NR2F1-AS1: variants seen among roughly 807,000 people sequenced by gnomAD.
NR2F1-AS1 encodes NR2F1 regulatory antisense RNA 1.
At chr5:93,583,614 G>A (rs1753168805), upstream of NR2F1-AS1, 2 of 151,714 alleles carry the variant, frequency 1.3e-5, no homozygotes, top group African/African-American at 2.4e-5. Flanking sequence ...TTTTTGGAGG[G>A]AGGGTGTTGG....
At chr5:93,477,331 G>T (rs1750506398) in intron 4 of NR2F1-AS1, among the ~76,000 whole-genome samples, 1 of 152,032 alleles carries the variant, frequency 6.6e-6, no homozygotes, top group Admixed American at 6.6e-5. Flanking sequence ...CAATGAAAAA[G>T]ATTAAAACTA....
At chr5:93,415,286 T>C (rs1748945608) in intron 4 of NR2F1-AS1, among the ~76,000 whole-genome samples, 1 of 151,830 alleles carries the variant, frequency 6.6e-6, no homozygotes, top group African/African-American at 2.4e-5. Flanking sequence ...CATGAGACTA[T>C]GTCTTTTTTG....
intron 1 of NR2F1-AS1, chr5:93,570,513 T>C (rs1308886266): frequency 6.6e-6 from 1 of 152,198 alleles, no homozygotes; most frequent in African/African-American, 2.4e-5. Context: ...CTGGGGACCA[T>C]TACTAAGAGG....
At chr5:93,575,317 C>A (rs995006446) in intron 1 of NR2F1-AS1, among the ~76,000 whole-genome samples, 1 of 152,154 alleles carries the variant, frequency 6.6e-6, no homozygotes, top group African/African-American at 2.4e-5. Flanking sequence ...AGATGTTTTT[C>A]TTTTTGAAGT....
chr5:93,474,860 C>T (rs906115402), intron 4 of NR2F1-AS1, among the ~76,000 whole-genome samples: 1 of 152,182 alleles, frequency 6.6e-6, no homozygotes, highest in African/African-American at 2.4e-5. Flanking sequence ...TGCGGTGGCT[C>T]ACGCCTGTAA....
chr5:93,572,501 G>T (rs1752794812), intron 1 of NR2F1-AS1, among the ~76,000 whole-genome samples: 1 of 152,152 alleles, frequency 6.6e-6, no homozygotes, highest in South Asian at 2.1e-4. Flanking sequence ...CTCTCGGCTG[G>T]CTCCCCGTCC....
chr5:93,496,464 A>G (rs1401782042), intron 4 of NR2F1-AS1, among the ~76,000 whole-genome samples: 1 of 152,182 alleles, frequency 6.6e-6, no homozygotes, highest in African/African-American at 2.4e-5. Flanking sequence ...GCTTCTATTC[A>G]GGGACTTCTG....
At chr5:93,549,499 C>G (rs1752174453) in intron 4 of NR2F1-AS1, among the ~76,000 whole-genome samples, 1 of 152,088 alleles carries the variant, frequency 6.6e-6, no homozygotes, top group African/African-American at 2.4e-5. Flanking sequence ...CACAAAGCTT[C>G]CATTAACTTT....
intron 1 of NR2F1-AS1, among the ~76,000 whole-genome samples, chr5:93,566,944 G>A (rs904277563): frequency 2.0e-5 from 3 of 151,988 alleles, no homozygotes; most frequent in Admixed American, 6.5e-5. Flanking sequence ...ATGCTTAGAA[G>A]AATAAAGTTT....
At position 93,466,445 on chromosome 5, in the gene NR2F1-AS1, T is replaced by C. The variant is rs554488687; in HGVS notation, n.639-70903A>G. On this transcript the variant is annotated intron_variant and non_coding_transcript_variant, in intron 4 of 5. Transcript: ENST00000660523. ...TCCACCTCCTGGGTTCAAGAGATTGTCCTGCCTCAGCCTTCCAAGTCGCTG... is the reference window on the plus strand; with the variant it reads ...TCCACCTCCTGGGTTCAAGAGATTGCCCTGCCTCAGCCTTCCAAGTCGCTG... Among the ~76,000 whole-genome samples the C allele has an allele frequency of 2.6e-5, 4 of 152,156 alleles. No homozygotes were observed. In the East Asian group the frequency reaches 7.7e-4, roughly 29 times the overall value.
At chr5:93,545,881 T>C (rs572784469) in intron 4 of NR2F1-AS1, among the ~76,000 whole-genome samples, 7 of 152,334 alleles carry the variant, frequency 4.6e-5, no homozygotes, top group Middle Eastern at 3.4e-3. Context: ...AAAGAGATCA[T>C]AGGAAATTTC....
At chr5:93,581,670 C>G (rs1013099764), upstream of NR2F1-AS1, among the ~76,000 whole-genome samples, 258 of 13,462 alleles carry the variant, frequency 0.019, 1 homozygote, top group Non-Finnish European at 0.01. Context: ...GGGTCTCGGT[C>G]TCTCTCTCTC....
chr5:93,523,160 G>T (rs180983766), intron 4 of NR2F1-AS1, among the ~76,000 whole-genome samples: 1 of 152,270 alleles, frequency 6.6e-6, no homozygotes, highest in Non-Finnish European at 1.5e-5. Flanking sequence ...GAGCTTGGTG[G>T]GGGGAGGGGT....
intron 4 of NR2F1-AS1, among the ~76,000 whole-genome samples, chr5:93,502,916 C>T (rs1385714086): frequency 6.6e-6 from 1 of 151,982 alleles, no homozygotes; most frequent in Non-Finnish European, 1.5e-5. Context: ...TCTAAGAAAA[C>T]AATACAAATT....
At chr5:93,485,408 C>T (rs1313878016) in intron 4 of NR2F1-AS1, among the ~76,000 whole-genome samples, 2 of 152,078 alleles carry the variant, frequency 1.3e-5, no homozygotes, top group African/African-American at 4.8e-5. Context: ...TTCTTTGAAA[C>T]CAATGAGAAC....
At chr5:93,454,060 G>A (rs1209058936) in intron 4 of NR2F1-AS1, among the ~76,000 whole-genome samples, 1 of 152,148 alleles carries the variant, frequency 6.6e-6, no homozygotes, top group African/African-American at 2.4e-5. Flanking sequence ...GATTGCTTGA[G>A]CCCAGGAGTT....
chr5:93,526,192 G>C lies in NR2F1-AS1; in HGVS notation n.638+27569C>G, dbSNP rs148287599. 9.8e-3 allele frequency among the ~76,000 whole-genome samples: 1,490 copies of C among 152,226 alleles called. 16 individuals carry two copies. Among genetic ancestry groups the C allele is most frequent in the Non-Finnish European group, 0.015 (1,042 of 68,000 alleles). On this transcript the variant is annotated intron_variant and non_coding_transcript_variant, in intron 4 of 5. Transcript: ENST00000660523. ...AGGCAATATCACCACTGATCCCACA[G>C]AAATACAGACTACCATCAGAATGCT...
intron 4 of NR2F1-AS1, among the ~76,000 whole-genome samples, chr5:93,517,985 A>G: frequency 6.6e-6 from 1 of 152,014 alleles, no homozygotes; most frequent in South Asian, 2.1e-4. Context: ...TCAAAGAGAC[A>G]AGGTCTTGAT....
At chr5:93,581,354 C>T (rs1039344735), upstream of NR2F1-AS1, 1 of 152,144 alleles carries the variant, frequency 6.6e-6, no homozygotes, top group African/African-American at 2.4e-5. Flanking sequence ...GATCTCAAAA[C>T]GAGGGGGGTG....
Sources: allele counts gnomAD v4.1 joint callset (sites outside exome capture counted in the v4.1 genomes callset), GRCh38; gene constraint gnomAD v4.1.1; transcripts MANE v1.5; gene names NCBI Gene and HGNC (gene_info 2026-07-23, HGNC 2026-07-21).